PDGFRA: variants seen among roughly 807,000 people sequenced by gnomAD.
PDGFRA encodes the protein platelet-derived growth factor receptor alpha.
A neutral mutation model predicts 121.5 loss-of-function variants in PDGFRA; 25 were observed. The ratio of observed to expected loss-of-function variants is 0.21; its 90% CI spans 0.15 to 0.29. PDGFRA has a LOEUF of 0.29. Among genes scored for constraint, PDGFRA ranks in the 10% least tolerant of loss-of-function variants. PDGFRA has a pLI of 1.00. For synonymous variants in PDGFRA, 463 were observed against 494.8 expected, an observed-to-expected ratio of 0.94 and a Z score of 0.85; for missense variants, 1,008 against 1,345.1, an observed-to-expected ratio of 0.75 and a Z score of 3.92.
At chr4:54,267,166 A>C in intron 5 of PDGFRA, 123 bp from the exon 6 acceptor site, 1 of 943,140 alleles carries the variant, frequency 1.1e-6, no homozygotes, top group African/African-American at 1.6e-5. Flanking sequence ...CCTACCATCC[A>C]TTTGTTATAA....
At chr4:54,265,834 G>A (rs1723000825) in intron 5 of PDGFRA, among the ~76,000 whole-genome samples, 1 of 152,136 alleles carries the variant, frequency 6.6e-6, no homozygotes, top group African/African-American at 2.4e-5. Context: ...GAACAAAAAC[G>A]AGATATATAT....
rs2110317278 is a variant in PDGFRA at position 54,278,532 on chromosome 4, A to T, written c.2156+17A>T. The stretch of plus-strand genomic sequence containing the variant: ...CACACGGAGGTGGGTGCAAAGAGAG[A>T]TGTTGCTGTCTATCATTATCTTACA... On this transcript the variant is annotated intron_variant, in intron 15 of 22. Coordinates refer to ENST00000257290, the MANE Select transcript of PDGFRA (RefSeq NM_006206.6). The T allele has an allele frequency of 6.2e-7, 1 of 1,611,740 alleles. No individual in the cohort carries two copies. Among genetic ancestry groups the T allele is most frequent in the South Asian group, 1.1e-5 (1 of 91,032 alleles).
intron 1 of PDGFRA, among the ~76,000 whole-genome samples, chr4:54,249,334 C>T (rs1323470681): frequency 2.0e-5 from 3 of 152,098 alleles, no homozygotes; most frequent in Admixed American, 6.5e-5. Flanking sequence ...CACATGCACA[C>T]GTATGTTTAT....
chr4:54,267,445 A>G lies in PDGFRA; in HGVS notation c.916A>G (p.Thr306Ala), dbSNP rs1408714732. The change falls in exon 6 of 23, where the codon ACT (threonine) becomes GCT (alanine). Residue 306 changes from threonine to alanine, a missense_variant. Coordinates refer to ENST00000257290, the MANE Select transcript of PDGFRA (RefSeq NM_006206.6). The part of the protein sequence containing the change: ...TREVKEMKKV[T>A]ISVHEKGFIE... ...GGAGGTCAAAGAAATGAAGAAAGTC[A>G]CTATTTCTGTCCATGGTACATTCCG... 1.2e-6 allele frequency: 2 copies of G among 1,614,028 alleles called. No homozygotes were observed. The highest frequency in any genetic ancestry group is 3.3e-5 in the Admixed American group (2 of 59,992).
chr4:54,259,325 C>T (rs1722557166), intron 2 of PDGFRA, among the ~76,000 whole-genome samples: 1 of 152,080 alleles, frequency 6.6e-6, no homozygotes, highest in Non-Finnish European at 1.5e-5. Context: ...AAAAAATGTT[C>T]AAAGGAAATA....
At chr4:54,283,333 A>G (rs1431853957) in intron 16 of PDGFRA, among the ~76,000 whole-genome samples, 4 of 151,948 alleles carry the variant, frequency 2.6e-5, no homozygotes, top group Non-Finnish European at 5.9e-5. Flanking sequence ...AACTCTTAAC[A>G]CTCTGTGCAC....
chr4:54,259,361 A>G lies in PDGFRA; in HGVS notation c.49+544A>G, dbSNP rs181218264. 5.3e-5 allele frequency among the ~76,000 whole-genome samples: 8 copies of G among 152,350 alleles called. No individual in the cohort carries two copies. The East Asian group carries it at 1.5e-3, about 29-fold the overall frequency. On this transcript the variant is annotated intron_variant, in intron 2 of 22. Coordinates refer to ENST00000257290, the MANE Select transcript of PDGFRA (RefSeq NM_006206.6). Reference sequence around the variant, plus strand: ...AATAATAGAAAATTCTTGCCCAAGAAATCATACTTGTCTTAAATCATAACT... The same window carrying G: ...AATAATAGAAAATTCTTGCCCAAGAGATCATACTTGTCTTAAATCATAACT...
chr4:54,284,564 C>CAGAGAGAGAGAGAG (rs59292448), intron 16 of PDGFRA, among the ~76,000 whole-genome samples: 3 of 55,952 alleles, frequency 5.4e-5, no homozygotes, highest in African/African-American at 1.2e-4. Flanking sequence ...GAGAGAGAGA[C>CAGAGAGAGAGAGAG]AGAGAGAGAG....
chr4:54,249,101 A>G (rs1721886475), intron 1 of PDGFRA, among the ~76,000 whole-genome samples: 1 of 152,180 alleles, frequency 6.6e-6, no homozygotes, highest in Non-Finnish European at 1.5e-5. Context: ...AGAAATAGGA[A>G]CACTTTTACA....
In PDGFRA at chr4:54,289,105, A is replaced by C. The variant is rs752373446; in HGVS notation, c.2871A>C (p.Gln957His). 6.3e-7 allele frequency: 1 copy of C among 1,576,452 alleles called. No individual in the cohort carries two copies. Among genetic ancestry groups the C allele is most frequent in the South Asian group, 1.1e-5 (1 of 90,276 alleles). Reference protein sequence around the residue: ...SEIVENLLPGQYKKSYEKIHL... With the variant: ...SEIVENLLPGHYKKSYEKIHL... ...TTGTGGAGAATCTGCTGCCTGGACA[A>C]TATAAAAAGGTGTGTTTGGATCTGT... Residue 957 changes from glutamine to histidine, a missense_variant, in exon 21 of 23, where the codon CAA becomes CAC. Gln to His is a conservative substitution (Grantham distance 24, BLOSUM62 0). Around this residue, in one of 5 missense-constraint regions of PDGFRA, gnomAD observed 204 missense variants for 243.0 expected, o/e 0.84. Coordinates refer to ENST00000257290, the MANE Select transcript of PDGFRA (RefSeq NM_006206.6).
chr4:54,295,130 A>C lies in PDGFRA; in HGVS notation c.3128A>C (p.Gln1043Pro). The C allele has an allele frequency of 6.2e-7, 1 of 1,614,086 alleles. No homozygotes were observed. The highest frequency in any genetic ancestry group is 1.1e-5 in the South Asian group (1 of 91,090). ...CTCTTCTCTCCCTCCTCCAGCTCGC[A>C]GACCTCTGAAGAGAGTGCCATTGAG... ...DLGKRNRHSS[Q>P]TSEESAIETG... The change falls in exon 23 of 23, where the codon CAG (glutamine) becomes CCG (proline). Residue 1043 changes from glutamine to proline, a missense_variant. Transcript: ENST00000257290.
intron 1 of PDGFRA, among the ~76,000 whole-genome samples, chr4:54,234,424 C>G (rs1720893810): frequency 6.6e-6 from 1 of 152,238 alleles, no homozygotes; most frequent in Non-Finnish European, 1.5e-5. Context: ...TGGACCAACA[C>G]TGCCATCTGC....
chr4:54,261,428 C>T lies in PDGFRA; in HGVS notation c.367+16C>T, dbSNP rs1722710091. 1 of 1,588,728 alleles carries T rather than the reference C, an allele frequency of 6.3e-7. No homozygotes were observed. The highest frequency in any genetic ancestry group is 1.1e-5 in the South Asian group (1 of 90,556). On this transcript the variant is annotated intron_variant, in intron 3 of 22. Coordinates refer to ENST00000257290, the MANE Select transcript of PDGFRA (RefSeq NM_006206.6). Reference sequence around the variant, plus strand: ...TATGTGCCAGGTGAGTTGGCTGGGTCTCCAGGACCAAGCTTCTTCTCTTCC... The same window carrying T: ...TATGTGCCAGGTGAGTTGGCTGGGTTTCCAGGACCAAGCTTCTTCTCTTCC...
At chr4:54,250,637 CT>C (rs2110215259) in intron 1 of PDGFRA, among the ~76,000 whole-genome samples, 1 of 152,308 alleles carries the variant, frequency 6.6e-6, no homozygotes, top group East Asian at 1.9e-4. Context: ...TCAATTGCAT[CT>C]TTAATCAGCT....
rs75710674 is a variant in PDGFRA at position 54,271,481 on chromosome 4, A to G, written c.1237+733A>G. Among the ~76,000 whole-genome samples the G allele has an allele frequency of 4.1e-3, 626 of 152,324 alleles. 4 individuals carry two copies. The highest frequency in any genetic ancestry group is 0.014 in the African/African-American group (593 of 41,574). ...GAATCCATTAGTTGAATCCTAAGCT[A>G]TAATATAATTTTAAGAACCTCCTTG... On this transcript the variant is annotated intron_variant, in intron 8 of 22. Coordinates refer to ENST00000257290, the MANE Select transcript of PDGFRA (RefSeq NM_006206.6).
intron 18 of PDGFRA, 88 bp downstream of exon 18, chr4:54,286,051 T>A (rs1428868081): frequency 7.2e-7 from 1 of 1,384,908 alleles, no homozygotes; most frequent in Non-Finnish European, 1.0e-6. Flanking sequence ...ATTCGGTGCC[T>A]GTTTTTTAAA....
At chr4:54,277,326 G>C in intron 12 of PDGFRA, 62 bp from the exon 13 acceptor site, 2 of 1,105,316 alleles carry the variant, frequency 1.8e-6, no homozygotes, top group South Asian at 1.2e-5. Flanking sequence ...AGCTGGCTAC[G>C]GTGCAGAAAG....
intron 16 of PDGFRA, among the ~76,000 whole-genome samples, chr4:54,284,911 T>C (rs965845772): frequency 7.8e-6 from 1 of 128,636 alleles, no homozygotes; most frequent in Non-Finnish European, 1.6e-5. Flanking sequence ...TGAGACAGAG[T>C]CTCACTCTGT....
At chr4:54,272,341 A>T (rs1220096394) in intron 8 of PDGFRA, 53 bp from the exon 9 acceptor site, 9 of 1,604,916 alleles carry the variant, frequency 5.6e-6, no homozygotes, top group South Asian at 1.1e-5. Flanking sequence ...TTGTAGTCTC[A>T]TATGTTCTGG....
Sources: gnomAD v4.1 joint callset for allele counts (sites outside exome capture counted in the v4.1 genomes callset) on GRCh38, gnomAD v4.1.1 for gene constraint, gnomAD v4.1.1 regional missense constraint, MANE v1.5 for transcripts, NCBI Gene and HGNC (gene_info 2026-07-23, HGNC 2026-07-21) for gene names.